MOBP: variants seen among roughly 807,000 people sequenced by gnomAD.
The protein encoded by MOBP is myelin-associated oligodendrocyte basic protein.
In MOBP, 5 loss-of-function variants were observed where a neutral mutation model predicts 15.0. The observed-to-expected ratio is 0.33, with a 90% CI of 0.17 to 0.70. The LOEUF (loss-of-function observed/expected upper bound fraction) is 0.70, where lower values mean the gene tolerates loss of function less well. MOBP is among the 30% of genes least tolerant of loss of function. The pLI is 0.67. For synonymous variants in MOBP, 88 were observed against 99.0 expected, an observed-to-expected ratio of 0.89 and a Z score of 0.66; for missense variants, 188 against 257.8, an observed-to-expected ratio of 0.73 and a Z score of 1.85.
At chr3:39,513,461 C>T (rs762817109) in exon 5 of MOBP, 1 of 1,601,674 alleles carries the variant, frequency 6.2e-7, no homozygotes, top group South Asian at 1.1e-5. Flanking sequence ...ACCTCGGCTC[C>T]TGGACTCATT....
chr3:39,497,830 A>C (rs1327555947), intron 2 of MOBP, among the ~76,000 whole-genome samples: 1 of 152,248 alleles, frequency 6.6e-6, no homozygotes, highest in Non-Finnish European at 1.5e-5. Flanking sequence ...GAACCAGATT[A>C]GTTTCAGAGG....
At chr3:39,520,660 C>G (rs2125675037), downstream of MOBP, among the ~76,000 whole-genome samples, 1 of 152,018 alleles carries the variant, frequency 6.6e-6, no homozygotes, top group Middle Eastern at 3.4e-3. Flanking sequence ...CTTTTTGTAG[C>G]TTTCTTCTTT....
chr3:39,509,972 A>G (rs563418017), intron 4 of MOBP, among the ~76,000 whole-genome samples: 1 of 152,190 alleles, frequency 6.6e-6, no homozygotes, highest in South Asian at 2.1e-4. Flanking sequence ...AGTATTATCC[A>G]TTTTAAGTTA....
chr3:39,506,240 T>G (rs1027691391), downstream of MOBP, among the ~76,000 whole-genome samples: 1 of 152,200 alleles, frequency 6.6e-6, no homozygotes, highest in Non-Finnish European at 1.5e-5. Context: ...CTCTCTACCT[T>G]AGACAAATTT....
downstream of MOBP, among the ~76,000 whole-genome samples, chr3:39,518,045 C>G (rs1184585352): frequency 6.6e-6 from 1 of 152,084 alleles, no homozygotes; most frequent in South Asian, 2.1e-4. Context: ...TCATTTGGCT[C>G]AAAAAGATCT....
chr3:39,470,738 C>T (rs2042457584), intron 1 of MOBP, among the ~76,000 whole-genome samples: 4 of 152,076 alleles, frequency 2.6e-5, no homozygotes, highest in Admixed American at 2.6e-4. Flanking sequence ...AGTTTTTCCT[C>T]CTCTTTGTTA....
chr3:39,472,228 A>AT (rs1483553741), intron 1 of MOBP, among the ~76,000 whole-genome samples: 10 of 152,176 alleles, frequency 6.6e-5, no homozygotes, highest in East Asian at 1.9e-4. Flanking sequence ...TAAAATATCC[A>AT]TTTTTTTGTT....
intron 1 of MOBP, among the ~76,000 whole-genome samples, chr3:39,475,272 A>T (rs1489621372): frequency 1.3e-5 from 2 of 152,222 alleles, no homozygotes; most frequent in Non-Finnish European, 2.9e-5. Flanking sequence ...AGAATAAACG[A>T]GGATGATCTG....
intron 2 of MOBP, chr3:39,499,534 T>A (rs550585102): frequency 6.5e-6 from 1 of 152,946 alleles, no homozygotes; most frequent in South Asian, 2.1e-4. Context: ...AGTTCACAGG[T>A]ATCTCATCCG....
exon 5 of MOBP, chr3:39,513,421 G>A (rs534239256): frequency 1.2e-6 from 2 of 1,613,936 alleles, no homozygotes; most frequent in African/African-American, 2.7e-5. Flanking sequence ...AAGAAGAAGT[G>A]ACCAAGGAGG....
intron 4 of MOBP, chr3:39,513,341 C>T (rs1452494246): frequency 6.4e-7 from 1 of 1,563,876 alleles, no homozygotes; most frequent in Non-Finnish European, 8.8e-7. Flanking sequence ...TATACATCAC[C>T]TACCTATGTC....
At chr3:39,489,773 G>T (rs1377709674) in intron 2 of MOBP, among the ~76,000 whole-genome samples, 1 of 152,044 alleles carries the variant, frequency 6.6e-6, no homozygotes, top group African/African-American at 2.4e-5. Context: ...AAGTTCCTTC[G>T]AGCCGACTGC....
chr3:39,487,161 G>A (rs934681329), intron 2 of MOBP, among the ~76,000 whole-genome samples: 6 of 150,876 alleles, frequency 4.0e-5, no homozygotes, highest in Admixed American at 6.6e-5. Context: ...GGCTGGTCTC[G>A]AACTCCATCT....
At chr3:39,521,825 G>A (rs971995224) in intron 3 of MOBP, among the ~76,000 whole-genome samples, 3 of 152,222 alleles carry the variant, frequency 2.0e-5, no homozygotes, top group Non-Finnish European at 4.4e-5. Context: ...ACACCTAAGT[G>A]TATAATACCG....
downstream of MOBP, among the ~76,000 whole-genome samples, chr3:39,517,066 C>A (rs182665557): frequency 6.6e-6 from 1 of 152,192 alleles, no homozygotes; most frequent in East Asian, 1.9e-4. Flanking sequence ...TACTTAGTAT[C>A]TCTGCTTGAA....
At chr3:39,494,487 C>T (rs2042846196) in intron 2 of MOBP, among the ~76,000 whole-genome samples, 1 of 151,848 alleles carries the variant, frequency 6.6e-6, no homozygotes, top group Non-Finnish European at 1.5e-5. Context: ...TTTCCTCATC[C>T]TGCCAGAGAG....
chr3:39,487,518 C>CTTTTT (rs1216386382), intron 2 of MOBP, among the ~76,000 whole-genome samples: 200 of 102,430 alleles, frequency 2.0e-3, no homozygotes, highest in Non-Finnish European at 2.7e-3. Context: ...AATTTTCTTT[C>CTTTTT]TTTTTTTTTT....
exon 5 of MOBP, chr3:39,513,536 C>T: frequency 9.1e-7 from 1 of 1,097,640 alleles, no homozygotes; most frequent in East Asian, 2.5e-5. Flanking sequence ...GGGGCAAACA[C>T]CTGCTGATGT....
intron 1 of MOBP, among the ~76,000 whole-genome samples, chr3:39,472,996 A>G (rs967485491): frequency 3.9e-5 from 6 of 152,106 alleles, no homozygotes; most frequent in African/African-American, 1.4e-4. Flanking sequence ...GAGGCCAGAG[A>G]GTCTTGTGGA....
Sources: gnomAD v4.1 joint callset for allele counts (sites outside exome capture counted in the v4.1 genomes callset) on GRCh38, gnomAD v4.1.1 for gene constraint, MANE v1.5 for transcripts, NCBI Gene and HGNC (gene_info 2026-07-23, HGNC 2026-07-21) for gene names.